CDH18: variants seen among roughly 807,000 people sequenced by gnomAD.
CDH18 encodes the protein cadherin 18.
CDH18 carries 31 observed loss-of-function variants against 67.9 expected under a neutral mutation model. That is an observed-to-expected ratio of 0.46 (90% CI 0.34 to 0.62). CDH18 has a LOEUF of 0.62. Ranked by LOEUF, CDH18 falls within the 20% of genes least tolerant of loss-of-function variation. CDH18 has a pLI of 0.01. For synonymous variants in CDH18, 362 were observed against 347.2 expected, an observed-to-expected ratio of 1.04 and a Z score of -0.48; for missense variants, 890 against 975.5, an observed-to-expected ratio of 0.91 and a Z score of 1.17.
intron 1 of CDH18, among the ~76,000 whole-genome samples, chr5:20,278,891 C>A (rs1746008299): frequency 6.6e-6 from 1 of 151,134 alleles, no homozygotes; most frequent in Non-Finnish European, 1.5e-5. Flanking sequence ...AACAGAGACA[C>A]AAAAAATAAC....
At chr5:19,477,056 G>T (rs1488145672) in intron 12 of CDH18, among the ~76,000 whole-genome samples, 4 of 150,626 alleles carry the variant, frequency 2.7e-5, no homozygotes, top group African/African-American at 9.7e-5. Flanking sequence ...GGTAGTATTT[G>T]CTACCTTTCT....
At chr5:20,210,394 T>C (rs1335920110) in intron 2 of CDH18, among the ~76,000 whole-genome samples, 1 of 151,980 alleles carries the variant, frequency 6.6e-6, no homozygotes, top group Non-Finnish European at 1.5e-5. Context: ...ATCTGAGGTT[T>C]TTATTAGATT....
intron 2 of CDH18, among the ~76,000 whole-genome samples, chr5:19,908,530 T>C (rs1269041188): frequency 1.3e-5 from 2 of 152,174 alleles, no homozygotes; most frequent in Non-Finnish European, 2.9e-5. Flanking sequence ...TAAAAATAAT[T>C]TGTATAGTTT....
intron 2 of CDH18, among the ~76,000 whole-genome samples, chr5:20,212,222 G>A (rs1740408725): frequency 1.3e-5 from 2 of 152,140 alleles, no homozygotes; most frequent in Middle Eastern, 3.4e-3. Flanking sequence ...AAGAAGAGAA[G>A]TTTAGAGAAA....
intron 1 of CDH18, among the ~76,000 whole-genome samples, chr5:20,574,856 C>T (rs1283327099): frequency 6.6e-6 from 1 of 151,976 alleles, no homozygotes; most frequent in Non-Finnish European, 1.5e-5. Context: ...ATTTCTTTGC[C>T]TTAGCTCAAT....
chr5:20,162,440 A>G, intron 2 of CDH18, among the ~76,000 whole-genome samples: 1 of 147,688 alleles, frequency 6.8e-6, no homozygotes, highest in East Asian at 1.9e-4. Flanking sequence ...TATTATATAT[A>G]ATGTATATAT....
chr5:20,242,607 A>AT (rs1185501168), intron 2 of CDH18, among the ~76,000 whole-genome samples: 15 of 88,252 alleles, frequency 1.7e-4, no homozygotes, highest in South Asian at 1.5e-3. Flanking sequence ...AAAAAAAAAA[A>AT]AAAAATATAT....
chr5:19,839,665 A>G (rs890032240), intron 2 of CDH18, among the ~76,000 whole-genome samples: 15 of 152,294 alleles, frequency 9.8e-5, no homozygotes, highest in African/African-American at 2.2e-4. Context: ...AAGGTGGCTG[A>G]AAACAAAAAG....
intron 1 of CDH18, among the ~76,000 whole-genome samples, chr5:20,333,094 G>A (rs1252968288): frequency 2.0e-5 from 3 of 152,074 alleles, no homozygotes; most frequent in Non-Finnish European, 4.4e-5. Flanking sequence ...AATATTATTG[G>A]AGGACCTGCT....
chr5:20,453,525 A>T (rs1346260765), intron 1 of CDH18, among the ~76,000 whole-genome samples: 1 of 151,670 alleles, frequency 6.6e-6, no homozygotes, highest in Non-Finnish European at 1.5e-5. Context: ...CAATCAATCA[A>T]CCTGTCTATA....
intron 7 of CDH18, among the ~76,000 whole-genome samples, chr5:19,574,797 C>T (rs7724888): frequency 0.058 from 8,742 of 151,496 alleles, 287 homozygotes; most frequent in Non-Finnish European, 0.074. Context: ...AATCCCAGCA[C>T]TTTGGGAGGC....
At chr5:20,565,076 C>T (rs1178289350) in intron 1 of CDH18, among the ~76,000 whole-genome samples, 1 of 152,092 alleles carries the variant, frequency 6.6e-6, no homozygotes, top group Non-Finnish European at 1.5e-5. Flanking sequence ...TAGTGAGTCA[C>T]CATAGCTTCC....
chr5:19,843,470 T>A (rs1172680694), intron 2 of CDH18, among the ~76,000 whole-genome samples: 1 of 147,976 alleles, frequency 6.8e-6, no homozygotes, highest in African/African-American at 2.5e-5. Context: ...TCAGAGGATG[T>A]ATAGGAACAC....
At chr5:19,665,485 T>C (rs895625646) in intron 5 of CDH18, among the ~76,000 whole-genome samples, 8 of 152,098 alleles carry the variant, frequency 5.3e-5, no homozygotes, top group Non-Finnish European at 1.0e-4. Flanking sequence ...TATCAGTAAA[T>C]TTCATTCGTG....
intron 1 of CDH18, among the ~76,000 whole-genome samples, chr5:20,419,391 T>A (rs970649977): frequency 1.3e-5 from 2 of 150,984 alleles, no homozygotes; most frequent in Non-Finnish European, 2.9e-5. Flanking sequence ...GATCTCAGAC[T>A]TCCAGCCTCC....
intron 2 of CDH18, among the ~76,000 whole-genome samples, chr5:19,853,492 T>C (rs1783935882): frequency 6.6e-6 from 1 of 152,158 alleles, no homozygotes; most frequent in Admixed American, 6.6e-5. Context: ...CTAAGTTACA[T>C]GTAAGGGCTT....
In CDH18 at chr5:20,083,757, C is replaced by T. The variant is rs576441661; in HGVS notation, c.-517-91743G>A. Reference sequence around the variant, plus strand: ...GCAAGGAAGAGCAAGTCACGTCTTACATGGATGGCAGCAGGCAAAGAGAGA... The same window carrying T: ...GCAAGGAAGAGCAAGTCACGTCTTATATGGATGGCAGCAGGCAAAGAGAGA... On this transcript the variant is annotated intron_variant, in intron 2 of 14. Coordinates refer to the CDH18 transcript ENST00000507958. 5.9e-5 allele frequency among the ~76,000 whole-genome samples: 9 copies of T among 152,320 alleles called. No homozygotes were observed. In the South Asian group the frequency reaches 1.9e-3, roughly 32 times the overall value.
chr5:20,129,947 C>A (rs757542705), intron 2 of CDH18, among the ~76,000 whole-genome samples: 2 of 150,510 alleles, frequency 1.3e-5, no homozygotes, highest in Non-Finnish European at 3.0e-5. Flanking sequence ...TTGGATGAAT[C>A]GGTGAAAGTA....
At chr5:20,114,628 G>A (rs1302827207) in intron 2 of CDH18, among the ~76,000 whole-genome samples, 1 of 152,036 alleles carries the variant, frequency 6.6e-6, no homozygotes, top group African/African-American at 2.4e-5. Flanking sequence ...ATTTTAATAG[G>A]TGAAATATAA....
Sources: gnomAD v4.1 joint callset for allele counts (sites outside exome capture counted in the v4.1 genomes callset) on GRCh38, gnomAD v4.1.1 for gene constraint, MANE v1.5 for transcripts, NCBI Gene and HGNC (gene_info 2026-07-23, HGNC 2026-07-21) for gene names.